Variants in TDRP observed in about 807,000 individuals in gnomAD.
The protein encoded by TDRP is testis development-related protein.
A neutral mutation model predicts 10.5 loss-of-function variants in TDRP; 12 were observed. The observed-to-expected ratio is 1.15, with a 90% CI of 0.73 to 1.86. TDRP has a LOEUF of 1.86. TDRP is among the 40% of genes most tolerant of loss of function. The pLI is 0.00. For synonymous variants in TDRP, 139 were observed against 95.4 expected (o/e 1.46, Z -2.67); for missense variants, 353 against 229.2 (o/e 1.54, Z -3.49).
At chr8:509,798 T>C (rs1028950301) in intron 1 of TDRP, among the ~76,000 whole-genome samples, 2 of 152,240 alleles carry the variant, frequency 1.3e-5, no homozygotes, top group African/African-American at 2.4e-5. Flanking sequence ...TTTTCTTTTC[T>C]ATTACTTTGT....
chr8:499,779 A>C (rs1483741459), intron 1 of TDRP, among the ~76,000 whole-genome samples: 1 of 152,148 alleles, frequency 6.6e-6, no homozygotes, highest in Non-Finnish European at 1.5e-5. Context: ...GAAAGTCCTC[A>C]CCTGAGCACT....
rs772886435 is a variant in TDRP at position 538,720 on chromosome 8, G to A, written c.108+5930C>T. On this transcript the variant is annotated intron_variant, in intron 1 of 2. Coordinates refer to ENST00000324079, the MANE Select transcript of TDRP (RefSeq NM_001384899.1). ...CAATGACATGGTAGTGGGACTGGGGGAGAAGTCTTTAGAAGTCTTCATTAG... is the reference window on the plus strand; with the variant it reads ...CAATGACATGGTAGTGGGACTGGGGAAGAAGTCTTTAGAAGTCTTCATTAG... Among the ~76,000 whole-genome samples, 135 of 152,310 alleles carry A rather than the reference G, an allele frequency of 8.9e-4. 1 individual carries two copies. Among genetic ancestry groups the A allele is most frequent in the Middle Eastern group, 3.4e-3 (1 of 292 alleles).
In TDRP at chr8:492,831, A is replaced by C. The variant is rs946585522; in HGVS notation, c.213-87T>G. 3 of 1,059,454 alleles carry C rather than the reference A, an allele frequency of 2.8e-6. No homozygotes were observed. In the African/African-American group the frequency reaches 4.9e-5, roughly 17 times the overall value. The allele number at this position is 1,059,454 out of a possible 1,614,324, so 65.6% of individuals were successfully genotyped here. On this transcript the variant is annotated intron_variant, in intron 2 of 2. Coordinates refer to ENST00000324079, the MANE Select transcript of TDRP (RefSeq NM_001384899.1). ...ATTTTACAAACATAAAATTCTTTAA[A>C]ATTTTAAAAAATTGTTTAGAAAACT...
rs768130526 is a variant in TDRP, at chr8:492,634, C to T, written c.323G>A (p.Gly108Asp). The stretch of plus-strand genomic sequence containing the variant: ...AAGAGCAAGTTTTGGAGGCTCCCAA[C>T]CTTCAATTTCATCTGGTTTTTTAGA... ...IQSKKPDEIE[G>D]WEPPKLALED... Residue 108 changes from glycine (G) to aspartate (D), a missense_variant, in exon 3 of 3, where the codon GGT (glycine) becomes GAT (aspartate). Physicochemically the swap from Gly to Asp is moderately conservative, Grantham distance 94. Transcript: ENST00000324079. The T allele has an allele frequency of 1.9e-6, 3 of 1,614,054 alleles. No individual in the cohort carries two copies. The highest frequency in any genetic ancestry group is 4.5e-5 in the East Asian group (2 of 44,876).
At chr8:517,956 G>A (rs1801800600) in intron 1 of TDRP, among the ~76,000 whole-genome samples, 2 of 152,200 alleles carry the variant, frequency 1.3e-5, no homozygotes, top group African/African-American at 4.8e-5. Context: ...GGGTTCAGGG[G>A]AGGGAGGGAT....
intron 1 of TDRP, among the ~76,000 whole-genome samples, chr8:526,096 G>C (rs540560518): frequency 6.6e-6 from 1 of 152,130 alleles, no homozygotes; most frequent in East Asian, 1.9e-4. Context: ...CCTTTATTGT[G>C]CCTTTAGTGA....
intron 1 of TDRP, among the ~76,000 whole-genome samples, chr8:538,005 G>C (rs1327465342): frequency 6.6e-6 from 1 of 152,142 alleles, no homozygotes; most frequent in Non-Finnish European, 1.5e-5. Context: ...TGGTTGGGAA[G>C]AGGTTTTGTT....
intron 1 of TDRP, among the ~76,000 whole-genome samples, chr8:530,308 A>G (rs1157888668): frequency 6.6e-6 from 1 of 152,150 alleles, no homozygotes; most frequent in Non-Finnish European, 1.5e-5. Flanking sequence ...TAAGATGATC[A>G]TTTTGAATTC....
At chr8:504,868 A>G (rs1236161789) in intron 1 of TDRP, among the ~76,000 whole-genome samples, 2 of 152,222 alleles carry the variant, frequency 1.3e-5, no homozygotes, top group African/African-American at 2.4e-5. Context: ...TTCTAAGCCC[A>G]TGAGAGGCAT....
intron 1 of TDRP, among the ~76,000 whole-genome samples, chr8:504,137 C>T (rs983129899): frequency 3.9e-5 from 6 of 152,214 alleles, no homozygotes; most frequent in Admixed American, 3.9e-4. Context: ...GCCCTGGGTT[C>T]TGACCGCAGC....
chr8:496,007 T>A (rs969326380), intron 1 of TDRP, among the ~76,000 whole-genome samples: 4 of 152,308 alleles, frequency 2.6e-5, no homozygotes, highest in Admixed American at 2.6e-4. Flanking sequence ...GGAGAGGCGT[T>A]TATGAATCAG....
At chr8:501,179 C>G (rs1162305294) in intron 1 of TDRP, among the ~76,000 whole-genome samples, 1 of 151,722 alleles carries the variant, frequency 6.6e-6, no homozygotes, top group Non-Finnish European at 1.5e-5. Context: ...GCACTCCAGC[C>G]TGGGCGACAG....
rs1475568476 is a variant in TDRP, at chr8:492,764, T to C, written c.213-20A>G. On this transcript the variant is annotated intron_variant, in intron 2 of 2. Coordinates refer to ENST00000324079, the MANE Select transcript of TDRP (RefSeq NM_001384899.1). Reference sequence around the variant, plus strand: ...TTAGTTCTATAGGAGATGAAAGAGTTAGGTGTTGGTGACCCAGGTCTTAGG... The same window carrying C: ...TTAGTTCTATAGGAGATGAAAGAGTCAGGTGTTGGTGACCCAGGTCTTAGG... 4.5e-6 allele frequency: 7 copies of C among 1,553,572 alleles called. No individual in the cohort carries two copies. The highest frequency in any genetic ancestry group is 6.1e-6 in the Non-Finnish European group (7 of 1,146,190).
chr8:540,249 T>C lies in TDRP; in HGVS notation c.108+4401A>G, dbSNP rs574633250. ...TTTTGTCACAGAAATTTAATATCAT[T>C]TAGTATCCCACAGCCTTAAAATGGA... On this transcript the variant is annotated intron_variant, in intron 1 of 2. Coordinates refer to ENST00000324079, the MANE Select transcript of TDRP (RefSeq NM_001384899.1). 2.0e-5 allele frequency among the ~76,000 whole-genome samples: 3 copies of C among 152,292 alleles called. 1 individual carries two copies. The South Asian group carries it at 6.2e-4, about 32-fold the overall frequency.
At chr8:498,481 T>C (rs950983798) in intron 1 of TDRP, among the ~76,000 whole-genome samples, 2 of 152,234 alleles carry the variant, frequency 1.3e-5, no homozygotes. Flanking sequence ...TGCACCTCCA[T>C]TGTGTCTTTA....
intron 1 of TDRP, among the ~76,000 whole-genome samples, chr8:541,408 T>A (rs1299994027): frequency 6.6e-6 from 1 of 152,204 alleles, no homozygotes; most frequent in African/African-American, 2.4e-5. Flanking sequence ...AAATAATTCA[T>A]AGTGAAGCTT....
At chr8:519,902 C>G (rs1020556036) in intron 1 of TDRP, among the ~76,000 whole-genome samples, 3 of 152,196 alleles carry the variant, frequency 2.0e-5, no homozygotes, top group Admixed American at 6.5e-5. Context: ...GAATCAGCAT[C>G]TGGCCCCTGA....
At position 544,724 on chromosome 8, in the gene TDRP, C is replaced by T; in HGVS notation, c.34G>A (p.Asp12Asn). 8.0e-7 allele frequency: 1 copy of T among 1,243,870 alleles called. No homozygotes were observed. The highest frequency in any genetic ancestry group is 1.0e-6 in the Non-Finnish European group (1 of 993,358). The allele number at this position is 1,243,870 out of a possible 1,614,324, so 77.1% of individuals were successfully genotyped here. A position where few individuals can be genotyped will look rare whatever the true frequency, so the allele number is the denominator to read the frequency against. The stretch of plus-strand genomic sequence containing the variant: ...CCGTCCTCCTCCTCGGGGGGCTCGT[C>T]CAGCAGCACTCGGCCCCGGCCCAGC... ...WKLGRGRVLL[D>N]EPPEEEDGLR... The change falls in exon 1 of 3, where the codon GAC becomes AAC. Residue 12 changes from aspartate (D) to asparagine (N), a missense_variant. Transcript: ENST00000324079.
intron 1 of TDRP, among the ~76,000 whole-genome samples, chr8:506,480 A>C (rs1801468190): frequency 6.6e-6 from 1 of 152,116 alleles, no homozygotes; most frequent in African/African-American, 2.4e-5. Context: ...CCGCAGCTGA[A>C]TGCTACACAG....
Sources: gnomAD v4.1 joint callset for allele counts (sites outside exome capture counted in the v4.1 genomes callset) on GRCh38, gnomAD v4.1.1 for gene constraint, MANE v1.5 for transcripts, NCBI Gene and HGNC (gene_info 2026-07-23, HGNC 2026-07-21) for gene names.